Variants in NRG1 observed in about 807,000 individuals in gnomAD.
The protein encoded by NRG1 is pro-neuregulin-1, membrane-bound isoform.
In NRG1, 18 loss-of-function variants were observed where a neutral mutation model predicts 63.8. The observed-to-expected ratio is 0.28, with a 90% confidence interval of 0.19 to 0.42. The LOEUF is 0.42. Ranked by LOEUF, NRG1 falls within the 10% of genes least tolerant of loss-of-function variation. The pLI, the probability that NRG1 is intolerant of heterozygous loss-of-function variation, is 1.00. For missense variants in NRG1, 762 were observed against 814.7 expected, an observed-to-expected ratio of 0.94 and a Z score of 0.79; for synonymous variants, 302 against 301.3, an observed-to-expected ratio of 1.00 and a Z score of -0.02.
chr8:31,704,470 T>G (rs1425228686), intron 1 of NRG1, among the ~76,000 whole-genome samples: 1 of 152,208 alleles, frequency 6.6e-6, no homozygotes, highest in Non-Finnish European at 1.5e-5. Flanking sequence ...GATTTTTTAG[T>G]GGCTTTCCAT....
chr8:31,957,497 G>A (rs746977361), intron 1 of NRG1, among the ~76,000 whole-genome samples: 1 of 151,440 alleles, frequency 6.6e-6, no homozygotes, highest in Non-Finnish European at 1.5e-5. Flanking sequence ...GAGAGAAGTA[G>A]GTCACTAAAC....
At chr8:32,277,980 C>T (rs1852286996) in intron 1 of NRG1, among the ~76,000 whole-genome samples, 2 of 152,254 alleles carry the variant, frequency 1.3e-5, no homozygotes, top group Admixed American at 1.3e-4. Flanking sequence ...CCAGCTTTGG[C>T]TCCTGGATTC....
chr8:32,008,241 T>C (rs557088638), intron 1 of NRG1, among the ~76,000 whole-genome samples: 63 of 152,042 alleles, frequency 4.1e-4, no homozygotes, highest in South Asian at 6.2e-4. Context: ...AGAGTGTCGA[T>C]TGCATGACTT....
rs1324385671 is a variant in NRG1 at position 31,655,711 on chromosome 8, G to T, written c.37+16280G>T. 2.6e-5 allele frequency among the ~76,000 whole-genome samples: 4 copies of T among 152,200 alleles called. No homozygotes were observed. In the East Asian group the frequency reaches 7.7e-4, roughly 29 times the overall value. ...GGTTATAAGGAGAATGGACTAAAAG[G>T]GAATAAGAGTGCATGCAGGGAGCTG... On this transcript the variant is annotated intron_variant, in intron 1 of 10. Coordinates refer to the NRG1 transcript ENST00000519301.
rs183064423 is a variant in NRG1, at chr8:32,677,093, A to T, written c.503-50856A>T. The stretch of plus-strand genomic sequence containing the variant: ...GATTGGCTTTTGTGTTTACCTCAAG[A>T]GTATAGAGAGAGACTGAAAAATATG... On this transcript the variant is annotated intron_variant, in intron 5 of 11. Coordinates refer to ENST00000356819, the Ensembl canonical transcript of NRG1. Among the ~76,000 whole-genome samples the T allele has an allele frequency of 9.2e-5, 14 of 152,272 alleles. No homozygotes were observed. In the East Asian group the frequency reaches 2.5e-3, roughly 27 times the overall value.
At chr8:32,255,789 A>G (rs1427450054) in intron 1 of NRG1, among the ~76,000 whole-genome samples, 1 of 152,198 alleles carries the variant, frequency 6.6e-6, no homozygotes, top group Non-Finnish European at 1.5e-5. Flanking sequence ...CCTGGATAAT[A>G]TCCTGAAGAG....
chr8:32,067,059 A>C (rs1364974975), intron 1 of NRG1, among the ~76,000 whole-genome samples: 2 of 152,172 alleles, frequency 1.3e-5, no homozygotes, highest in African/African-American at 4.8e-5. Context: ...ACTTTGCTGA[A>C]GTTGCCTATT....
chr8:32,060,337 G>A (rs1823638182), intron 1 of NRG1, among the ~76,000 whole-genome samples: 1 of 151,588 alleles, frequency 6.6e-6, no homozygotes, highest in Non-Finnish European at 1.5e-5. Context: ...GAGAACTGTG[G>A]GAATAGAGGA....
Position 32,298,714 on chromosome 8 carries a change from C to CA in NRG1, c.38-297098dup, listed in dbSNP as rs760147959. On this transcript the variant is annotated intron_variant, in intron 1 of 10. Coordinates refer to the NRG1 transcript ENST00000519301. ...GGGCAACAAGAGCGAAACTCAGTCT[C>CA]AAAAAAAAAAAAAAAAGAAAAGAAA... is the stretch of plus-strand genomic sequence containing the variant. Among the ~76,000 whole-genome samples the CA allele has an allele frequency of 7.9e-3, 717 of 90,768 alleles. 5 individuals carry two copies. Among genetic ancestry groups the CA allele is most frequent in the African/African-American group, 0.012 (263 of 22,254 alleles). 59.5% of individuals were successfully genotyped at this position (90,768 alleles called of 152,430 possible).
At chr8:32,724,553 T>G (rs1821571289) in intron 5 of NRG1, among the ~76,000 whole-genome samples, 1 of 152,176 alleles carries the variant, frequency 6.6e-6, no homozygotes, top group South Asian at 2.1e-4. Context: ...GCGAAATTTA[T>G]AGGCCTGTGT....
intron 1 of NRG1, among the ~76,000 whole-genome samples, chr8:31,840,055 G>A (rs962814293): frequency 1.1e-4 from 16 of 152,306 alleles, no homozygotes; most frequent in African/African-American, 3.8e-4. Flanking sequence ...GTCCCCGCAA[G>A]CAGAGCAAAT....
chr8:32,334,839 T>C (rs1563327113), intron 1 of NRG1, among the ~76,000 whole-genome samples: 1 of 152,182 alleles, frequency 6.6e-6, no homozygotes, highest in Non-Finnish European at 1.5e-5. Context: ...ATGTTATGAA[T>C]AACAAAGAGG....
At chr8:32,639,979 A>G (rs1393982667) in intron 5 of NRG1, among the ~76,000 whole-genome samples, 3 of 152,248 alleles carry the variant, frequency 2.0e-5, no homozygotes, top group Non-Finnish European at 4.4e-5. Context: ...GGATATGTAC[A>G]TAAAAGCAAA....
intron 1 of NRG1, among the ~76,000 whole-genome samples, chr8:32,240,633 G>A (rs1848006890): frequency 6.6e-6 from 1 of 152,084 alleles, no homozygotes; most frequent in South Asian, 2.1e-4. Flanking sequence ...TTATGATATT[G>A]AAGTGTAGTT....
At chr8:32,013,041 C>G (rs182622170) in intron 1 of NRG1, among the ~76,000 whole-genome samples, 176 of 152,202 alleles carry the variant, frequency 1.2e-3, no homozygotes, top group African/African-American at 3.9e-3. Context: ...AATGGCTAGA[C>G]AGTAGGCATA....
At chr8:32,504,521 T>A (rs865965766) in intron 1 of NRG1, among the ~76,000 whole-genome samples, 2 of 152,168 alleles carry the variant, frequency 1.3e-5, no homozygotes, top group South Asian at 4.1e-4. Context: ...AATACCATCA[T>A]GAAGTGAGGA....
At chr8:31,887,288 A>G (rs13280661) in intron 1 of NRG1, among the ~76,000 whole-genome samples, 1 of 152,140 alleles carries the variant, frequency 6.6e-6, no homozygotes, top group African/African-American at 2.4e-5. Flanking sequence ...GAATTAGAGT[A>G]CAGTATTTTA....
intron 1 of NRG1, among the ~76,000 whole-genome samples, chr8:32,219,527 C>A (rs1845594413): frequency 6.6e-6 from 1 of 152,174 alleles, no homozygotes; most frequent in Non-Finnish European, 1.5e-5. Flanking sequence ...TTGCCAAAAG[C>A]CATTTATGAA....
At chr8:31,876,672 G>A (rs1829950403) in intron 1 of NRG1, among the ~76,000 whole-genome samples, 1 of 151,924 alleles carries the variant, frequency 6.6e-6, no homozygotes, top group South Asian at 2.1e-4. Context: ...ATATTGCTTG[G>A]GAGGCTGAAT....
Sources: gnomAD v4.1 joint callset for allele counts (sites outside exome capture counted in the v4.1 genomes callset) on GRCh38, gnomAD v4.1.1 for gene constraint, MANE v1.5 for transcripts, NCBI Gene and HGNC (gene_info 2026-07-23, HGNC 2026-07-21) for gene names.